SENP7: variants seen among roughly 807,000 people sequenced by gnomAD.
SENP7 encodes sentrin-specific protease 7.
Under a neutral mutation model 141.2 loss-of-function variants are expected in SENP7, and 64 were observed. The ratio of observed to expected loss-of-function variants is 0.45; its 90% CI spans 0.37 to 0.56. The LOEUF (loss-of-function observed/expected upper bound fraction) is 0.56. Among genes scored for constraint, SENP7 ranks in the 20% least tolerant of loss-of-function variants. The pLI is 0.00. For synonymous variants in SENP7, 382 were observed against 426.4 expected, an observed-to-expected ratio of 0.90 and a Z score of 1.28; for missense variants, 1,025 against 1,212.2, an observed-to-expected ratio of 0.85 and a Z score of 2.29.
At chr3:101,398,813 C>A in intron 6 of SENP7, 48 bp downstream of exon 6, 1 of 1,288,508 alleles carries the variant, frequency 7.8e-7, no homozygotes, top group Non-Finnish European at 1.1e-6. Context: ...GGGAAGGATA[C>A]ATAAAAATAA....
chr3:101,413,079 A>G (rs1397787251), intron 5 of SENP7, among the ~76,000 whole-genome samples: 2 of 152,136 alleles, frequency 1.3e-5, no homozygotes. Flanking sequence ...AAGCAAATAA[A>G]ATGTCCAACA....
In SENP7 at chr3:101,351,691, C is replaced by A; in HGVS notation, c.1624-40G>T. The A allele has an allele frequency of 3.1e-6, 4 of 1,281,766 alleles. No homozygotes were observed. In the South Asian group the frequency reaches 7.9e-5, roughly 25 times the overall value. 79.4% of individuals were successfully genotyped at this position (1,281,766 alleles called of 1,614,324 possible). On this transcript the variant is annotated intron_variant, in intron 11 of 23. Coordinates refer to ENST00000394095, the MANE Select transcript of SENP7 (RefSeq NM_020654.5). ...AAAAAGCAAACAATGAGTTACCACTCAAAATGTGTTACTATTCAAATTTTT... is the reference window on the plus strand; with the variant it reads ...AAAAAGCAAACAATGAGTTACCACTAAAAATGTGTTACTATTCAAATTTTT...
Position 101,363,529 on chromosome 3 carries a change from C to A in SENP7, c.1476+1305G>T, listed in dbSNP as rs148348406. Among the ~76,000 whole-genome samples, 89 of 152,266 alleles carry A rather than the reference C, an allele frequency of 5.8e-4. 1 individual carries two copies. Among genetic ancestry groups the A allele is most frequent in the African/African-American group, 2.1e-3 (88 of 41,570 alleles). On this transcript the variant is annotated intron_variant, in intron 10 of 23. Transcript: ENST00000394095. ...ATATGTTATTTTCTTATAATATGAT[C>A]ATTTCATACTACATTGTCAATTTAT...
At chr3:101,409,387 G>C (rs1008634515) in intron 5 of SENP7, among the ~76,000 whole-genome samples, 8 of 152,098 alleles carry the variant, frequency 5.3e-5, no homozygotes, top group African/African-American at 1.9e-4. Context: ...CAAATTCAAT[G>C]CAATTCCTAT....
chr3:101,372,822 CA>C (rs1182744135), intron 6 of SENP7, among the ~76,000 whole-genome samples: 1 of 151,792 alleles, frequency 6.6e-6, no homozygotes, highest in Admixed American at 6.6e-5. Flanking sequence ...AATAAGTTTT[CA>C]ACTTTCTATA....
At chr3:101,332,617 A>G (rs928075000) in intron 18 of SENP7, among the ~76,000 whole-genome samples, 153 bp downstream of exon 18, 2 of 152,022 alleles carry the variant, frequency 1.3e-5, no homozygotes, top group African/African-American at 4.8e-5. Flanking sequence ...CAAGATAAGG[A>G]ATTCATTGCC....
intron 3 of SENP7, among the ~76,000 whole-genome samples, chr3:101,466,593 T>C (rs181503246): frequency 6.6e-6 from 1 of 152,248 alleles, no homozygotes; most frequent in Admixed American, 6.5e-5. Context: ...AAATGCTTAA[T>C]AGAGTCTTAA....
chr3:101,480,964 A>C (rs1165308074), intron 3 of SENP7, among the ~76,000 whole-genome samples: 1 of 142,708 alleles, frequency 7.0e-6, no homozygotes, highest in African/African-American at 2.7e-5. Flanking sequence ...TCAGAAAGAC[A>C]AAAAAAAAAA....
At chr3:101,396,449 CT>C (rs138161873) in intron 6 of SENP7, among the ~76,000 whole-genome samples, 15 of 148,334 alleles carry the variant, frequency 1.0e-4, no homozygotes, top group African/African-American at 1.5e-4. Context: ...TAATCTTTTT[CT>C]TTTTTTTTTG....
intron 20 of SENP7, 52 bp downstream of exon 20, chr3:101,330,282 T>G: frequency 2.3e-6 from 3 of 1,309,810 alleles, no homozygotes; most frequent in Non-Finnish European, 3.3e-6. Flanking sequence ...ACAGATAACA[T>G]TATTATATTC....
At chr3:101,511,598 T>C (rs2065860794) in intron 1 of SENP7, among the ~76,000 whole-genome samples, 1 of 152,212 alleles carries the variant, frequency 6.6e-6, no homozygotes, top group Non-Finnish European at 1.5e-5. Context: ...CATTTATACA[T>C]GTGCTTTCAA....
chr3:101,457,185 TA>T, intron 4 of SENP7: 2 of 1,220,588 alleles, frequency 1.6e-6, no homozygotes, highest in South Asian at 1.2e-5. Flanking sequence ...AGTCATAATA[TA>T]AAATAGCAGC....
chr3:101,387,199 C>A (rs1431480234), intron 6 of SENP7, among the ~76,000 whole-genome samples: 1 of 152,202 alleles, frequency 6.6e-6, no homozygotes, highest in Non-Finnish European at 1.5e-5. Flanking sequence ...GCCCTGCTCA[C>A]TGCCACCATT....
At chr3:101,485,813 A>C (rs1464640093) in intron 3 of SENP7, among the ~76,000 whole-genome samples, 6 of 152,234 alleles carry the variant, frequency 3.9e-5, no homozygotes, top group Admixed American at 6.5e-5. Flanking sequence ...AAAGCTAATC[A>C]GGGAGGGACC....
intron 6 of SENP7, among the ~76,000 whole-genome samples, chr3:101,396,253 C>T (rs2107566572): frequency 1.3e-5 from 2 of 152,190 alleles, no homozygotes; most frequent in South Asian, 4.2e-4. Context: ...TGGGGAATGA[C>T]CAGAAATATT....
At chr3:101,421,204 T>C (rs919508183) in intron 4 of SENP7, among the ~76,000 whole-genome samples, 5 of 151,762 alleles carry the variant, frequency 3.3e-5, no homozygotes, top group African/African-American at 1.2e-4. Context: ...CTCAAATGGT[T>C]CCCCAAAAAA....
chr3:101,436,901 G>A (rs576285367), intron 4 of SENP7, among the ~76,000 whole-genome samples: 23 of 152,284 alleles, frequency 1.5e-4, no homozygotes, highest in African/African-American at 4.3e-4. Context: ...TTGAACTACC[G>A]TATGATCCAG....
chr3:101,363,567 C>T (rs530530816), intron 10 of SENP7, among the ~76,000 whole-genome samples: 18 of 152,268 alleles, frequency 1.2e-4, no homozygotes, highest in African/African-American at 4.3e-4. Flanking sequence ...CCTGCCAAGA[C>T]CTAATTCTTC....
intron 4 of SENP7, among the ~76,000 whole-genome samples, chr3:101,429,392 G>A (rs956003728): frequency 7.2e-5 from 11 of 151,842 alleles, no homozygotes; most frequent in South Asian, 2.1e-4. Context: ...GTAGTTCTCC[G>A]TGAAGAGGTC....
Sources: gnomAD v4.1 joint callset for allele counts (sites outside exome capture counted in the v4.1 genomes callset) on GRCh38, gnomAD v4.1.1 for gene constraint, MANE v1.5 for transcripts, NCBI Gene and HGNC (gene_info 2026-07-23, HGNC 2026-07-21) for gene names.